Variants in KATNAL1 observed in about 807,000 individuals in gnomAD.
KATNAL1 encodes the protein katanin p60 ATPase-containing subunit A-like 1.
In KATNAL1, 32 loss-of-function variants were observed where a neutral mutation model predicts 55.2. That is an observed-to-expected ratio of 0.58 (90% CI 0.44 to 0.78). KATNAL1 has a LOEUF of 0.78. Ranked by LOEUF, KATNAL1 falls within the 30% of genes least tolerant of loss-of-function variation. KATNAL1 has a pLI of 0.00. For missense variants in KATNAL1, 466 were observed against 600.9 expected (o/e 0.78, Z 2.35); for synonymous variants, 193 against 193.6 (o/e 1.00, Z 0.02).
At chr13:30,295,210 T>C (rs549497361) in intron 1 of KATNAL1, among the ~76,000 whole-genome samples, 1 of 152,348 alleles carries the variant, frequency 6.6e-6, no homozygotes, top group East Asian at 1.9e-4. Flanking sequence ...TTGATGAAAC[T>C]GGGCAAAGTA....
At chr13:30,244,196 C>T (rs1756807723) in intron 4 of KATNAL1, among the ~76,000 whole-genome samples, 2 of 151,952 alleles carry the variant, frequency 1.3e-5, no homozygotes, top group South Asian at 4.2e-4. Context: ...TTTTCTGTTC[C>T]TGTGTTAGTT....
At chr13:30,264,523 C>G (rs1879581277) in intron 3 of KATNAL1, among the ~76,000 whole-genome samples, 1 of 150,740 alleles carries the variant, frequency 6.6e-6, no homozygotes. Flanking sequence ...CTCAAATTTA[C>G]AAGAAAAAAA....
chr13:30,276,673 T>G (rs1481832538), intron 3 of KATNAL1, among the ~76,000 whole-genome samples: 1 of 152,244 alleles, frequency 6.6e-6, no homozygotes. Flanking sequence ...GTTTCTTTAT[T>G]CTTCCACCAC....
intron 4 of KATNAL1, among the ~76,000 whole-genome samples, chr13:30,254,209 A>G (rs1488030457): frequency 1.3e-5 from 2 of 152,238 alleles, no homozygotes; most frequent in African/African-American, 4.8e-5. Context: ...CATAAAAATG[A>G]AGAAAAGAAA....
At chr13:30,250,349 T>C (rs1204424983) in intron 4 of KATNAL1, among the ~76,000 whole-genome samples, 5 of 152,250 alleles carry the variant, frequency 3.3e-5, no homozygotes, top group African/African-American at 9.6e-5. Context: ...GCTCAAGTCA[T>C]TGATCAATGA....
chr13:30,259,566 C>A (rs907074654), intron 3 of KATNAL1, among the ~76,000 whole-genome samples: 2 of 152,152 alleles, frequency 1.3e-5, no homozygotes, highest in African/African-American at 4.8e-5. Flanking sequence ...TCGGGAAGAG[C>A]GAGGGGTCAG....
chr13:30,266,366 C>G (rs1879784896), intron 3 of KATNAL1, among the ~76,000 whole-genome samples: 1 of 149,102 alleles, frequency 6.7e-6, no homozygotes. Context: ...AAAATGCCAC[C>G]ACAATTTTGT....
chr13:30,274,832 A>G (rs185463635), intron 3 of KATNAL1, among the ~76,000 whole-genome samples: 21 of 152,120 alleles, frequency 1.4e-4, no homozygotes, highest in Admixed American at 2.6e-4. Context: ...ACATTGACAG[A>G]TGAATGGATA....
intron 3 of KATNAL1, among the ~76,000 whole-genome samples, chr13:30,257,275 C>G (rs1346691257): frequency 6.6e-6 from 1 of 151,938 alleles, no homozygotes; most frequent in Non-Finnish European, 1.5e-5. Flanking sequence ...TTTCCTGAGT[C>G]AGATTTATGG....
At chr13:30,214,253 C>T (rs1411715975) in intron 9 of KATNAL1, among the ~76,000 whole-genome samples, 2 of 152,202 alleles carry the variant, frequency 1.3e-5, no homozygotes, top group Non-Finnish European at 2.9e-5. Flanking sequence ...CTACAAACCA[C>T]TCCTCAATGA....
At chr13:30,281,646 T>G (rs1378799087) in intron 2 of KATNAL1, 1 of 152,158 alleles carries the variant, frequency 6.6e-6, no homozygotes, top group Non-Finnish European at 1.5e-5. Flanking sequence ...TTCTGACTAA[T>G]GGAAAAATTA....
At chr13:30,249,121 A>G (rs1386146691) in intron 4 of KATNAL1, among the ~76,000 whole-genome samples, 1 of 152,060 alleles carries the variant, frequency 6.6e-6, no homozygotes, top group Non-Finnish European at 1.5e-5. Context: ...AATCCCAGCT[A>G]CTTGGAAGGC....
At chr13:30,243,024 C>T (rs1387004048) in intron 4 of KATNAL1, among the ~76,000 whole-genome samples, 3 of 152,056 alleles carry the variant, frequency 2.0e-5, no homozygotes, top group Non-Finnish European at 2.9e-5. Context: ...TAAAGCTAAC[C>T]TCTCCAAGAT....
chr13:30,203,994 T>C lies in KATNAL1; in HGVS notation c.*4546A>G, dbSNP rs1171052278. On this transcript the variant is annotated 3_prime_UTR_variant, in exon 11 of 11. Transcript: ENST00000380615. ...TTTCTGTAAAAATAGTTAGTGGAGATGACAGTAAAACATTCGAGGCTTAAA... is the reference window on the plus strand; with the variant it reads ...TTTCTGTAAAAATAGTTAGTGGAGACGACAGTAAAACATTCGAGGCTTAAA... The C allele has an allele frequency of 6.6e-6, 1 of 152,176 alleles. No homozygotes were observed. The highest frequency in any genetic ancestry group is 2.4e-5 in the African/African-American group (1 of 41,460). The allele number at this position is 152,176 out of a possible 1,614,324, so 9.4% of individuals were successfully genotyped here.
chr13:30,217,180 C>T (rs565149758), intron 9 of KATNAL1, among the ~76,000 whole-genome samples: 52 of 152,224 alleles, frequency 3.4e-4, no homozygotes, highest in African/African-American at 1.2e-3. Flanking sequence ...TGGCCAGGCG[C>T]GGCGGCTCAC....
intron 1 of KATNAL1, among the ~76,000 whole-genome samples, chr13:30,302,856 A>G (rs1352927977): frequency 1.3e-5 from 2 of 152,212 alleles, no homozygotes; most frequent in Non-Finnish European, 2.9e-5. Context: ...ACTCAAATGC[A>G]AGGCACATGT....
intron 9 of KATNAL1, among the ~76,000 whole-genome samples, chr13:30,223,243 T>G (rs567931940): frequency 6.7e-6 from 1 of 149,004 alleles, no homozygotes; most frequent in African/African-American, 2.6e-5. Context: ...ATCGAGACCA[T>G]CCTGGCTAAC....
chr13:30,237,205 C>G (rs1876775154), intron 6 of KATNAL1, among the ~76,000 whole-genome samples: 1 of 152,138 alleles, frequency 6.6e-6, no homozygotes, highest in Admixed American at 6.5e-5. Flanking sequence ...TCATGTGACA[C>G]AAGGTAAATA....
chr13:30,224,019 A>C (rs1336340851), intron 9 of KATNAL1, among the ~76,000 whole-genome samples: 1 of 152,220 alleles, frequency 6.6e-6, no homozygotes, highest in Non-Finnish European at 1.5e-5. Context: ...AACTGCAATG[A>C]ATTAAAGTAA....
Sources: gnomAD v4.1 joint callset for allele counts (sites outside exome capture counted in the v4.1 genomes callset) on GRCh38, gnomAD v4.1.1 for gene constraint, MANE v1.5 for transcripts, NCBI Gene and HGNC (gene_info 2026-07-23, HGNC 2026-07-21) for gene names.